The following CTNND2 variants were observed in gnomAD, a reference collection of about 807,000 sequenced individuals.
CTNND2 encodes catenin delta 2.
In CTNND2, 22 loss-of-function variants were observed where a neutral mutation model predicts 144.4. That is an observed-to-expected ratio of 0.15 (90% CI 0.11 to 0.22). The LOEUF (loss-of-function observed/expected upper bound fraction) is 0.22, where lower values mean the gene tolerates loss of function less well. Ranked by LOEUF, CTNND2 falls within the 10% of genes least tolerant of loss-of-function variation. The pLI is 1.00. For missense variants in CTNND2, 1,353 were observed against 1,618.8 expected (o/e 0.84, Z 2.82); for synonymous variants, 751 against 695.6 (o/e 1.08, Z -1.25).
intron 12 of CTNND2, among the ~76,000 whole-genome samples, chr5:11,145,867 C>A (rs1221469884): frequency 2.0e-5 from 3 of 152,174 alleles, no homozygotes; most frequent in South Asian, 4.1e-4. Context: ...CAACCGCGCC[C>A]TGGCTGGCCA....
chr5:11,713,504 A>C (rs1047501631), intron 2 of CTNND2, among the ~76,000 whole-genome samples: 3 of 147,584 alleles, frequency 2.0e-5, no homozygotes. Context: ...GCTTGAGCCC[A>C]GGAGGCAGAG....
chr5:11,833,636 G>A (rs1794023802), intron 1 of CTNND2, among the ~76,000 whole-genome samples: 1 of 152,046 alleles, frequency 6.6e-6, no homozygotes, highest in South Asian at 2.1e-4. Context: ...CGATTCTCCT[G>A]CCTCAGCCTC....
At chr5:11,846,057 A>C (rs1197402482) in intron 1 of CTNND2, among the ~76,000 whole-genome samples, 1 of 152,186 alleles carries the variant, frequency 6.6e-6, no homozygotes, top group African/African-American at 2.4e-5. Flanking sequence ...AATAGAGAAT[A>C]ATTATTCCAA....
In CTNND2 at chr5:11,545,199, G is replaced by T. The variant is rs556430326; in HGVS notation, c.287+19745C>A. On this transcript the variant is annotated intron_variant, in intron 3 of 21. Coordinates refer to ENST00000304623, the MANE Select transcript of CTNND2 (RefSeq NM_001332.4). ...TAGCCAGGCATGGTGGCAGGCGCCT[G>T]TAATCCCAGCTACTAGGAGGGCTGT... Among the ~76,000 whole-genome samples, 10 of 151,670 alleles carry T rather than the reference G, an allele frequency of 6.6e-5. No homozygotes were observed. In the South Asian group the frequency reaches 1.9e-3, roughly 29 times the overall value.
intron 9 of CTNND2, among the ~76,000 whole-genome samples, chr5:11,284,541 G>A (rs1320658773): frequency 6.6e-6 from 1 of 152,128 alleles, no homozygotes; most frequent in African/African-American, 2.4e-5. Context: ...GTGTTAATTT[G>A]CTGAGGATAA....
At chr5:11,030,039 T>G (rs1014049078) in intron 16 of CTNND2, among the ~76,000 whole-genome samples, 3 of 152,022 alleles carry the variant, frequency 2.0e-5, no homozygotes, top group African/African-American at 4.8e-5. Flanking sequence ...GCTGACAGTT[T>G]TTTTTTTCTT....
At chr5:11,763,197 T>C (rs1789379194) in intron 1 of CTNND2, among the ~76,000 whole-genome samples, 1 of 152,210 alleles carries the variant, frequency 6.6e-6, no homozygotes, top group Non-Finnish European at 1.5e-5. Flanking sequence ...TCTCCAGCCA[T>C]GATTCCTGTA....
chr5:11,701,726 G>A (rs143381177), intron 2 of CTNND2, among the ~76,000 whole-genome samples: 114 of 152,088 alleles, frequency 7.5e-4, no homozygotes, highest in Non-Finnish European at 1.3e-3. Flanking sequence ...TGTAGTATAA[G>A]TGCAGCATTT....
chr5:11,630,296 T>A (rs954463183), intron 2 of CTNND2, among the ~76,000 whole-genome samples: 1 of 152,156 alleles, frequency 6.6e-6, no homozygotes, highest in Non-Finnish European at 1.5e-5. Flanking sequence ...CAGGAGGATG[T>A]CTCTAATAAT....
chr5:11,307,874 G>A (rs1450355579), intron 9 of CTNND2, among the ~76,000 whole-genome samples: 4 of 152,196 alleles, frequency 2.6e-5, no homozygotes, highest in Non-Finnish European at 5.9e-5. Flanking sequence ...AGGGGATGGT[G>A]TGAGAAGATG....
chr5:11,844,100 G>T (rs1307299972), intron 1 of CTNND2, among the ~76,000 whole-genome samples: 1 of 152,144 alleles, frequency 6.6e-6, no homozygotes, highest in Non-Finnish European at 1.5e-5. Flanking sequence ...CTGTTATACT[G>T]ATTCCTCCAG....
chr5:11,193,945 C>T (rs1736598138), intron 11 of CTNND2, among the ~76,000 whole-genome samples: 1 of 152,178 alleles, frequency 6.6e-6, no homozygotes, highest in African/African-American at 2.4e-5. Context: ...TATCTGTAAA[C>T]ATATTTATAC....
At chr5:11,080,224 G>A (rs539524536) in intron 16 of CTNND2, among the ~76,000 whole-genome samples, 25 of 152,168 alleles carry the variant, frequency 1.6e-4, no homozygotes, top group African/African-American at 5.5e-4. Flanking sequence ...ATGAAGAAAG[G>A]TTCAATATCA....
chr5:11,220,117 G>A (rs1003092191), intron 10 of CTNND2, among the ~76,000 whole-genome samples: 4 of 152,026 alleles, frequency 2.6e-5, no homozygotes, highest in African/African-American at 9.7e-5. Flanking sequence ...AAACAGAAGA[G>A]GGACATATAG....
chr5:11,730,068 T>A (rs1787284049), intron 2 of CTNND2, among the ~76,000 whole-genome samples: 1 of 152,198 alleles, frequency 6.6e-6, no homozygotes, highest in Non-Finnish European at 1.5e-5. Flanking sequence ...ATTAATTTTA[T>A]CAACATGTTA....
chr5:11,266,302 T>C (rs1233350875), intron 9 of CTNND2, among the ~76,000 whole-genome samples: 2 of 152,178 alleles, frequency 1.3e-5, no homozygotes, highest in African/African-American at 2.4e-5. Flanking sequence ...ACTGGGCCAA[T>C]GGATTCTCGC....
intron 2 of CTNND2, among the ~76,000 whole-genome samples, chr5:11,661,382 A>G (rs1468842789): frequency 6.6e-6 from 1 of 152,190 alleles, no homozygotes; most frequent in East Asian, 1.9e-4. Context: ...AAGGTCCCAT[A>G]AGCTACTTAT....
intron 3 of CTNND2, among the ~76,000 whole-genome samples, chr5:11,554,170 G>C (rs1776015624): frequency 6.6e-6 from 1 of 151,886 alleles, no homozygotes; most frequent in African/African-American, 2.4e-5. Context: ...TTAATATGAA[G>C]GTAATTATAC....
intron 2 of CTNND2, among the ~76,000 whole-genome samples, chr5:11,698,295 T>G (rs111591764): frequency 6.6e-6 from 1 of 151,574 alleles, no homozygotes; most frequent in South Asian, 2.1e-4. Context: ...ATTATTTTTT[T>G]TTTTTTTTTT....
Sources: gnomAD v4.1 joint callset for allele counts (sites outside exome capture counted in the v4.1 genomes callset) on GRCh38, gnomAD v4.1.1 for gene constraint, MANE v1.5 for transcripts, NCBI Gene and HGNC (gene_info 2026-07-23, HGNC 2026-07-21) for gene names.